NETO1: variants seen among roughly 807,000 people sequenced by gnomAD.
NETO1 encodes neuropilin and tolloid like 1.
Under a neutral mutation model 61.3 loss-of-function variants are expected in NETO1, and 26 were observed. That is an observed-to-expected ratio of 0.42 (90% CI 0.31 to 0.59). The LOEUF (loss-of-function observed/expected upper bound fraction) is 0.59, where lower values mean the gene tolerates loss of function less well. NETO1 is among the 20% of genes least tolerant of loss of function. NETO1 has a pLI of 0.12. For missense variants in NETO1, 531 were observed against 662.8 expected, an observed-to-expected ratio of 0.80 and a Z score of 2.18; for synonymous variants, 225 against 225.8, an observed-to-expected ratio of 1.00 and a Z score of 0.03.
intron 4 of NETO1, among the ~76,000 whole-genome samples, chr18:72,829,136 G>T (rs2073489104): frequency 6.6e-6 from 1 of 152,010 alleles, no homozygotes; most frequent in African/African-American, 2.4e-5. Context: ...CTCAGAAATT[G>T]AAAAACACAA....
intron 2 of NETO1, 102 bp from the exon 3 acceptor site, chr18:72,865,047 T>C (rs1430841332): frequency 1.1e-5 from 16 of 1,439,584 alleles, no homozygotes; most frequent in African/African-American, 1.5e-5. Context: ...AAATTAATTT[T>C]TAAATGTTGT....
At position 72,805,952 on chromosome 18, in the gene NETO1, G is replaced by A. The variant is rs144319346; in HGVS notation, c.470-11548C>T. On this transcript the variant is annotated intron_variant, in intron 4 of 10. Coordinates refer to ENST00000327305, the MANE Select transcript of NETO1 (RefSeq NM_138966.5). Reference sequence around the variant, plus strand: ...ATGAATTTCAGAGATCAAGATCCACGTAAGTAAATCTTTTTCATTTGTCCT... The same window carrying A: ...ATGAATTTCAGAGATCAAGATCCACATAAGTAAATCTTTTTCATTTGTCCT... 3.8e-3 allele frequency among the ~76,000 whole-genome samples: 582 copies of A among 152,252 alleles called. 2 individuals are homozygous for A. Among genetic ancestry groups the A allele is most frequent in the Admixed American group, 0.011 (165 of 15,284 alleles).
At chr18:72,847,182 T>C (rs1256610080) in intron 4 of NETO1, among the ~76,000 whole-genome samples, 1 of 152,242 alleles carries the variant, frequency 6.6e-6, no homozygotes. Context: ...TATTTATGAC[T>C]AATATATCCT....
intron 6 of NETO1, among the ~76,000 whole-genome samples, chr18:72,784,879 G>A (rs903248321): frequency 2.0e-5 from 3 of 152,222 alleles, no homozygotes; most frequent in Admixed American, 1.3e-4. Flanking sequence ...TGTTCAAGGC[G>A]TTGTGGATAT....
rs748346536 is a variant in NETO1, at chr18:72,750,426, A to G, written c.1177T>C (p.Tyr393His). The change falls in exon 9 of 11, where the codon TAT becomes CAT. Residue 393 changes from tyrosine to histidine, a missense_variant. Physicochemically the swap from Tyr to His is moderately conservative, Grantham distance 83 (BLOSUM62 2). Transcript: ENST00000327305. ...VFQEVFEPPHYELCTLRGTGA... is the reference protein window; with the variant it reads ...VFQEVFEPPHHELCTLRGTGA... ...GTCCCTCTGAGAGTGCATAACTCAT[A>G]ATGAGGAGGTTCAAATACCTCCTGG... The G allele has an allele frequency of 2.5e-6, 4 of 1,614,004 alleles. No individual in the cohort carries two copies. The highest frequency in any genetic ancestry group is 2.7e-5 in the African/African-American group (2 of 74,922).
chr18:72,803,091 G>A (rs1187149321), intron 4 of NETO1, among the ~76,000 whole-genome samples: 1 of 152,056 alleles, frequency 6.6e-6, no homozygotes, highest in Non-Finnish European at 1.5e-5. Flanking sequence ...TCTTGAAAAT[G>A]AACAAAATGA....
At chr18:72,770,543 C>T (rs1568185119) in intron 7 of NETO1, among the ~76,000 whole-genome samples, 1 of 152,002 alleles carries the variant, frequency 6.6e-6, no homozygotes, top group Non-Finnish European at 1.5e-5. Flanking sequence ...GGTATTTATG[C>T]TACTATATGA....
chr18:72,812,194 G>A (rs1381462084), intron 4 of NETO1, among the ~76,000 whole-genome samples: 8 of 152,188 alleles, frequency 5.3e-5, no homozygotes, highest in Non-Finnish European at 1.2e-4. Context: ...GGAAGTTCAC[G>A]AAAGATTATA....
chr18:72,840,894 A>T (rs964893866), intron 4 of NETO1, among the ~76,000 whole-genome samples: 2 of 152,204 alleles, frequency 1.3e-5, no homozygotes, highest in Admixed American at 6.5e-5. Context: ...CAGATAGTTA[A>T]ATGTAAGGCT....
intron 7 of NETO1, among the ~76,000 whole-genome samples, chr18:72,770,780 C>T (rs938988673): frequency 1.3e-5 from 2 of 152,024 alleles, no homozygotes; most frequent in African/African-American, 2.4e-5. Flanking sequence ...AGTATTTACA[C>T]CAAACTTGTA....
At chr18:72,742,535 A>T (rs1037703123), downstream of NETO1, 1 of 152,206 alleles carries the variant, frequency 6.6e-6, no homozygotes, top group African/African-American at 2.4e-5. Flanking sequence ...GGTGGAGAGA[A>T]GGTGTTATAA....
At chr18:72,811,382 A>G (rs1051655726) in intron 4 of NETO1, among the ~76,000 whole-genome samples, 2 of 152,208 alleles carry the variant, frequency 1.3e-5, no homozygotes, top group Non-Finnish European at 2.9e-5. Flanking sequence ...CCATATTCCA[A>G]AAGAAACTCC....
intron 4 of NETO1, among the ~76,000 whole-genome samples, chr18:72,820,328 A>G (rs1330827552): frequency 3.9e-5 from 6 of 152,248 alleles, no homozygotes; most frequent in Non-Finnish European, 8.8e-5. Flanking sequence ...ATGTAGAGCA[A>G]TTAAACGAAG....
chr18:72,865,430 T>C, intron 1 of NETO1, 189 bp from the exon 2 acceptor site: 2 of 1,158,216 alleles, frequency 1.7e-6, no homozygotes, highest in Non-Finnish European at 2.5e-6. Context: ...TGGGACTCCC[T>C]TAAGGAACTA....
intron 7 of NETO1, among the ~76,000 whole-genome samples, chr18:72,764,149 C>T (rs2071075249): frequency 6.6e-6 from 1 of 152,136 alleles, no homozygotes; most frequent in Admixed American, 6.5e-5. Flanking sequence ...CGACACAGAG[C>T]CAAACCATAT....
intron 3 of NETO1, among the ~76,000 whole-genome samples, chr18:72,862,612 C>CTTTTTTTTCTTTTTTTTTT (rs1568275640): frequency 9.4e-6 from 1 of 106,898 alleles, no homozygotes; most frequent in African/African-American, 2.8e-5. Flanking sequence ...ACTCATGATC[C>CTTTTTTTTCTTTTTTTTTT]TTTTTTTTTC....
intron 3 of NETO1, among the ~76,000 whole-genome samples, chr18:72,861,070 C>T (rs139800838): frequency 4.6e-5 from 7 of 152,190 alleles, no homozygotes; most frequent in Non-Finnish European, 8.8e-5. Context: ...TCTTTTAACA[C>T]GCACTCACCA....
At chr18:72,767,248 T>C (rs945885521) in intron 7 of NETO1, among the ~76,000 whole-genome samples, 2 of 152,202 alleles carry the variant, frequency 1.3e-5, no homozygotes, top group African/African-American at 4.8e-5. Context: ...TCTGTTTCCA[T>C]ATAACAAACA....
intron 7 of NETO1, among the ~76,000 whole-genome samples, chr18:72,761,086 G>C (rs913142185): frequency 6.6e-6 from 1 of 152,032 alleles, no homozygotes; most frequent in Non-Finnish European, 1.5e-5. Context: ...AAAATGTTAA[G>C]ATGTATGATA....
Sources: gnomAD v4.1 joint callset for allele counts (sites outside exome capture counted in the v4.1 genomes callset) on GRCh38, gnomAD v4.1.1 for gene constraint, MANE v1.5 for transcripts, NCBI Gene and HGNC (gene_info 2026-07-23, HGNC 2026-07-21) for gene names.